EHMT1: variants seen among roughly 807,000 people sequenced by gnomAD.
EHMT1 encodes the protein histone-lysine N-methyltransferase EHMT1.
Under a neutral mutation model 147.2 loss-of-function variants are expected in EHMT1, and 15 were observed. The observed-to-expected ratio is 0.10, with a 90% CI of 0.07 to 0.16. EHMT1 has a LOEUF of 0.16. Ranked by LOEUF, EHMT1 falls within the 10% of genes least tolerant of loss-of-function variation. The probability of loss-of-function intolerance (pLI) is 1.00; values close to 1 mark genes in which losing one functional copy is unlikely to be tolerated. For missense variants in EHMT1, 1,587 were observed against 1,772.4 expected, an observed-to-expected ratio of 0.90 and a Z score of 1.88; for synonymous variants, 795 against 709.6, an observed-to-expected ratio of 1.12 and a Z score of -1.91.
chr9:137,777,579 C>T (rs1240962317), intron 12 of EHMT1, among the ~76,000 whole-genome samples: 2 of 152,140 alleles, frequency 1.3e-5, no homozygotes, highest in African/African-American at 4.8e-5. Flanking sequence ...AAATTTAATG[C>T]ACTTTGAATC....
chr9:137,643,997 G>A (rs1465359260), intron 1 of EHMT1, among the ~76,000 whole-genome samples: 1 of 152,172 alleles, frequency 6.6e-6, no homozygotes, highest in Non-Finnish European at 1.5e-5. Flanking sequence ...CCATACAATT[G>A]CAGTTGCAGT....
At chr9:137,770,250 C>T (rs1286893162) in intron 10 of EHMT1, among the ~76,000 whole-genome samples, 3 of 152,056 alleles carry the variant, frequency 2.0e-5, no homozygotes, top group Non-Finnish European at 4.4e-5. Flanking sequence ...TTTTTTTCTC[C>T]TTCCATTTTA....
chr9:137,765,594 C>T (rs1950159514), intron 10 of EHMT1, among the ~76,000 whole-genome samples: 1 of 152,148 alleles, frequency 6.6e-6, no homozygotes, highest in South Asian at 2.1e-4. Context: ...TTCAGCTGAG[C>T]TCTGGTAAAC....
chr9:137,738,216 A>C (rs537161160), intron 4 of EHMT1, among the ~76,000 whole-genome samples: 26 of 150,846 alleles, frequency 1.7e-4, no homozygotes, highest in East Asian at 5.8e-4. Flanking sequence ...AACAAAAAAA[A>C]AACAACAAAA....
At chr9:137,745,630 C>A (rs1948481401) in intron 6 of EHMT1, 2 of 398,334 alleles carry the variant, frequency 5.0e-6, no homozygotes, top group African/African-American at 2.1e-5. Context: ...AAGCAGCTAC[C>A]CCAGCAGCTG....
intron 4 of EHMT1, among the ~76,000 whole-genome samples, chr9:137,730,818 G>A (rs1947045364): frequency 6.6e-6 from 1 of 152,228 alleles, no homozygotes; most frequent in African/African-American, 2.4e-5. Context: ...GGCCGGAATC[G>A]GCTTTCTCCA....
chr9:137,763,296 G>C (rs1285643429), intron 10 of EHMT1: 1 of 254,170 alleles, frequency 3.9e-6, no homozygotes, highest in African/African-American at 2.2e-5. Flanking sequence ...GCTGCCTCTG[G>C]GACAGGAGGG....
chr9:137,689,681 T>C (rs1942767501), intron 1 of EHMT1, among the ~76,000 whole-genome samples: 1 of 152,196 alleles, frequency 6.6e-6, no homozygotes, highest in Non-Finnish European at 1.5e-5. Context: ...CCAGTCTGGG[T>C]GACAGAGCAA....
intron 2 of EHMT1, 111 bp from the exon 3 acceptor site, chr9:137,716,513 CAT>C: frequency 3.1e-6 from 2 of 648,538 alleles, no homozygotes. Flanking sequence ...GTGGTGGTGT[CAT>C]GGTGGGGGAG....
chr9:137,724,744 A>G (rs1946419257), intron 3 of EHMT1, among the ~76,000 whole-genome samples: 1 of 152,214 alleles, frequency 6.6e-6, no homozygotes, highest in African/African-American at 2.4e-5. Context: ...CCTGAGTTCT[A>G]ACAGTGGCTT....
chr9:137,811,703 T>A (rs1954498896), intron 19 of EHMT1, 88 bp downstream of exon 19: 1 of 1,564,432 alleles, frequency 6.4e-7, no homozygotes, highest in Admixed American at 1.7e-5. Flanking sequence ...TGTTCACACT[T>A]GGGGCGTGAG....
chr9:137,768,529 A>ATTTTTTTTTTTT lies in EHMT1; in HGVS notation c.1647+5736_1647+5747dup, dbSNP rs947901899. Among the ~76,000 whole-genome samples the ATTTTTTTTTTTT allele has an allele frequency of 7.7e-4, 14 of 18,286 alleles. 5 individuals are homozygous for ATTTTTTTTTTTT. Among genetic ancestry groups the ATTTTTTTTTTTT allele is most frequent in the East Asian group, 6.5e-3 (2 of 308 alleles). The allele number at this position is 18,286 out of a possible 152,430, so 12.0% of individuals were successfully genotyped here. ...CCACCACGCCCGGCTAATTTTTTGT[A>ATTTTTTTTTTTT]TTTTTTTTTTTTTTTTTTTTTTTTT... On this transcript the variant is annotated intron_variant, in intron 10 of 26. Transcript: ENST00000460843.
At position 137,728,524 on chromosome 9, in the gene EHMT1, A is replaced by G. The variant is rs2135785234; in HGVS notation, c.818A>G (p.Gln273Arg). ...TGCTACATGGCCACCACAAAATCACAGACAGGTAAAGAGGACCCGGCAACT... is the reference window on the plus strand; with the variant it reads ...TGCTACATGGCCACCACAAAATCACGGACAGGTAAAGAGGACCCGGCAACT... ...NQCYMATTKS[Q>R]TACLPFVLAA... Residue 273 changes from glutamine to arginine, a missense_variant, in exon 4 of 27, where the codon CAG becomes CGG. Coordinates refer to ENST00000460843, the MANE Select transcript of EHMT1 (RefSeq NM_024757.5). The G allele has an allele frequency of 1.2e-6, 2 of 1,614,116 alleles. No individual in the cohort carries two copies. The highest frequency in any genetic ancestry group is 1.7e-6 in the Non-Finnish European group (2 of 1,180,020).
chr9:137,767,931 C>T, intron 10 of EHMT1, among the ~76,000 whole-genome samples: 1 of 152,232 alleles, frequency 6.6e-6, no homozygotes, highest in East Asian at 1.9e-4. Context: ...TTGGGGTGTT[C>T]AACCTGTTTT....
chr9:137,718,589 G>A (rs181273562), intron 3 of EHMT1, among the ~76,000 whole-genome samples: 1 of 151,880 alleles, frequency 6.6e-6, no homozygotes, highest in East Asian at 1.9e-4. Flanking sequence ...TAAATGGCCG[G>A]CTCTTCTGTC....
At position 137,802,849 on chromosome 9, in the gene EHMT1, C is replaced by G. The variant is rs12339324; in HGVS notation, c.2712+1865C>G. 0.032 allele frequency: 39,279 copies of G among 1,231,808 alleles called. 9,038 individuals are homozygous for G. The African/African-American group carries it at 0.52, about 16-fold the overall frequency. 76.3% of individuals were successfully genotyped at this position (1,231,808 alleles called of 1,614,324 possible). ...ATTCCACCGGAGTTCTTTCCCACTG[C>G]GGGTTAGGATGACGGCACCATGAAG... On this transcript the variant is annotated intron_variant, in intron 18 of 26. Coordinates refer to ENST00000460843, the MANE Select transcript of EHMT1 (RefSeq NM_024757.5).
At chr9:137,817,631 C>A in intron 24 of EHMT1, 106 bp downstream of exon 24, 1 of 1,395,752 alleles carries the variant, frequency 7.2e-7, no homozygotes, top group Admixed American at 1.8e-5. Context: ...ACATCCCTGG[C>A]GTACAGCAGC....
rs1950934834 is a variant in EHMT1, at chr9:137,776,070, A to T, written c.1792-548A>T. Among the ~76,000 whole-genome samples, 4 of 151,990 alleles carry T rather than the reference A, an allele frequency of 2.6e-5. No individual in the cohort carries two copies. Among genetic ancestry groups the T allele is most frequent in the Admixed American group, 2.0e-4 (3 of 15,264 alleles). Reference sequence around the variant, plus strand: ...TTGGGAGACTTTCTTTGGACTTCACACCTTGCATGTCCTCCCCATCTTCAA... The same window carrying T: ...TTGGGAGACTTTCTTTGGACTTCACTCCTTGCATGTCCTCCCCATCTTCAA... On this transcript the variant is annotated intron_variant, in intron 11 of 26. Transcript: ENST00000460843. The surrounding 1 kb of genome is among the most constrained non-coding windows in gnomAD (Gnocchi z 4.4).
rs975509945 is a variant in EHMT1 at position 137,828,806 on chromosome 9, T to G, written c.3541-5543T>G. On this transcript the variant is annotated intron_variant, in intron 25 of 26. Transcript: ENST00000460843. This position sits in a 1 kb window ranked among gnomAD's most constrained non-coding sequence, Gnocchi z 5.3. Reference sequence around the variant, plus strand: ...CAGCCCTGGGGCCTCATGTCTGCAATGAGCCCTTGGTGGCTCTGAGCAGTG... The same window carrying G: ...CAGCCCTGGGGCCTCATGTCTGCAAGGAGCCCTTGGTGGCTCTGAGCAGTG... Among the ~76,000 whole-genome samples the G allele has an allele frequency of 4.6e-5, 7 of 152,148 alleles. No individual in the cohort carries two copies. The highest frequency in any genetic ancestry group is 1.0e-4 in the Non-Finnish European group (7 of 68,012).
Sources: allele counts gnomAD v4.1 joint callset (sites outside exome capture counted in the v4.1 genomes callset), GRCh38; gene constraint gnomAD v4.1.1; non-coding constraint Gnocchi (gnomAD v3.1); transcripts MANE v1.5; gene names NCBI Gene and HGNC (gene_info 2026-07-23, HGNC 2026-07-21).